Variants in CADM2 observed in about 807,000 individuals in gnomAD.
CADM2 encodes the protein cell adhesion molecule 2, also known as immunoglobulin superfamily member 4D.
A neutral mutation model predicts 49.8 loss-of-function variants in CADM2; 12 were observed. The ratio of observed to expected loss-of-function variants is 0.24; its 90% CI spans 0.15 to 0.39. The LOEUF (loss-of-function observed/expected upper bound fraction) is 0.39. Among genes scored for constraint, CADM2 ranks in the 10% least tolerant of loss-of-function variants. The probability of loss-of-function intolerance (pLI) is 1.00; values close to 1 mark genes in which losing one functional copy is unlikely to be tolerated. For missense variants in CADM2, 378 were observed against 492.3 expected (o/e 0.77, Z 2.20); for synonymous variants, 214 against 175.4 (o/e 1.22, Z -1.74).
At chr3:85,965,855 T>C (rs1167624726) in intron 8 of CADM2, among the ~76,000 whole-genome samples, 1 of 151,652 alleles carries the variant, frequency 6.6e-6, no homozygotes, top group East Asian at 2.0e-4. Context: ...TGTTTTGTGA[T>C]TGGAAGCAAT....
intron 1 of CADM2, among the ~76,000 whole-genome samples, chr3:85,689,845 C>A (rs1270927102): frequency 6.6e-6 from 1 of 152,064 alleles, no homozygotes; most frequent in Admixed American, 6.6e-5. Context: ...TTTTTCTTCC[C>A]AGAAGACATA....
intron 1 of CADM2, among the ~76,000 whole-genome samples, chr3:85,631,859 A>T (rs1023083056): frequency 6.6e-6 from 1 of 152,146 alleles, no homozygotes; most frequent in South Asian, 2.1e-4. Context: ...TTAAATCTCA[A>T]CAGATGATAC....
intron 8 of CADM2, among the ~76,000 whole-genome samples, chr3:85,999,655 A>C (rs1729913524): frequency 6.6e-6 from 1 of 151,282 alleles, no homozygotes; most frequent in African/African-American, 2.5e-5. Flanking sequence ...GAAAGGAAAG[A>C]AAAAAGAAAG....
At chr3:85,299,619 GT>G (rs2106981018) in intron 1 of CADM2, among the ~76,000 whole-genome samples, 1 of 152,180 alleles carries the variant, frequency 6.6e-6, no homozygotes, top group East Asian at 1.9e-4. Flanking sequence ...CTCCAAAGCT[GT>G]TCTGCCTGGC....
intron 1 of CADM2, among the ~76,000 whole-genome samples, chr3:85,323,880 C>A (rs975497028): frequency 6.6e-6 from 1 of 152,126 alleles, no homozygotes; most frequent in Non-Finnish European, 1.5e-5. Context: ...GTCTTCAATT[C>A]TTCTTATAAC....
intron 3 of CADM2, among the ~76,000 whole-genome samples, chr3:85,841,684 T>C (rs541760055): frequency 1.3e-5 from 2 of 152,064 alleles, no homozygotes; most frequent in African/African-American, 4.8e-5. Context: ...ATAATTAAGG[T>C]TCAAAAAACA....
chr3:85,413,164 T>TAAAAAAA (rs1164449868), intron 1 of CADM2, among the ~76,000 whole-genome samples: 1 of 76,828 alleles, frequency 1.3e-5, no homozygotes, highest in African/African-American at 5.4e-5. Flanking sequence ...AAAAAAAAAA[T>TAAAAAAA]AATAATAATA....
chr3:85,006,555 C>CA (rs2033739134), intron 1 of CADM2, among the ~76,000 whole-genome samples: 1 of 152,146 alleles, frequency 6.6e-6, no homozygotes, highest in Non-Finnish European at 1.5e-5. Flanking sequence ...ATACCTAGGT[C>CA]TCTGGCTGGA....
chr3:85,674,890 T>C (rs2065848454), intron 1 of CADM2, among the ~76,000 whole-genome samples: 4 of 152,138 alleles, frequency 2.6e-5, no homozygotes, highest in Admixed American at 2.6e-4. Flanking sequence ...AAATATCGAA[T>C]TTCTGTTTGC....
Position 85,459,415 on chromosome 3 carries a change from G to A in CADM2, c.62-267107G>A, listed in dbSNP as rs967909787. On this transcript the variant is annotated intron_variant, in intron 1 of 9. Coordinates refer to ENST00000383699, the MANE Select transcript of CADM2 (RefSeq NM_001167675.2). ...TAAGAGACTAGAAATGGGAGTGTGTGGAATTTCTAGCCTCTATCCTGGGTG... is the reference window on the plus strand; with the variant it reads ...TAAGAGACTAGAAATGGGAGTGTGTAGAATTTCTAGCCTCTATCCTGGGTG... Among the ~76,000 whole-genome samples the A allele has an allele frequency of 2.0e-5, 3 of 152,254 alleles. No individual in the cohort carries two copies. The East Asian group carries it at 5.8e-4, about 29-fold the overall frequency.
At chr3:86,053,751 A>G (rs1374081678) in intron 8 of CADM2, among the ~76,000 whole-genome samples, 1 of 152,094 alleles carries the variant, frequency 6.6e-6, no homozygotes, top group East Asian at 1.9e-4. Flanking sequence ...TTACTAAAAA[A>G]TCTAAATTTG....
chr3:85,550,689 A>G (rs2061780486), intron 1 of CADM2, among the ~76,000 whole-genome samples: 1 of 152,162 alleles, frequency 6.6e-6, no homozygotes, highest in Admixed American at 6.5e-5. Context: ...CAAAAACCCT[A>G]TTCTCACCAA....
At chr3:85,287,648 G>A (rs1164661311) in intron 1 of CADM2, among the ~76,000 whole-genome samples, 16 of 151,784 alleles carry the variant, frequency 1.1e-4, no homozygotes, top group Admixed American at 1.1e-3. Flanking sequence ...TAATGTTTCT[G>A]GATATTTGTC....
chr3:86,043,163 C>G (rs573574122), intron 8 of CADM2, among the ~76,000 whole-genome samples: 1 of 152,272 alleles, frequency 6.6e-6, no homozygotes, highest in Admixed American at 6.5e-5. Flanking sequence ...GCTTTGAAAA[C>G]TGGCACAAGA....
At position 85,568,447 on chromosome 3, in the gene CADM2, CTT is replaced by C. The variant is rs1383847938; in HGVS notation, c.62-158073_62-158072del. ...TCTTTCTTTCTTTCTTTCTTTCTTT[CTT>C]TCTTTCTTTCTTTCTCTTTCTCTCT... On this transcript the variant is annotated intron_variant, in intron 1 of 9. Transcript: ENST00000383699. 9.0e-3 allele frequency among the ~76,000 whole-genome samples: 322 copies of C among 35,734 alleles called. 20 individuals are homozygous for C. Among genetic ancestry groups the C allele is most frequent in the African/African-American group, 0.022 (272 of 12,428 alleles). 23.4% of individuals were successfully genotyped at this position (35,734 alleles called of 152,430 possible).
Position 85,530,214 on chromosome 3 carries a change from G to A in CADM2, c.62-196308G>A, listed in dbSNP as rs566976831. ...ACTTGCTTGCTCTGAAATACCTGCC[G>A]CCACATAAGACATGTCTCTTCCTCT... On this transcript the variant is annotated intron_variant, in intron 1 of 9. Coordinates refer to ENST00000383699, the MANE Select transcript of CADM2 (RefSeq NM_001167675.2). 2.2e-3 allele frequency among the ~76,000 whole-genome samples: 338 copies of A among 151,086 alleles called. 1 individual carries two copies. Among genetic ancestry groups the A allele is most frequent in the Non-Finnish European group, 2.1e-3 (146 of 67,950 alleles).
At chr3:85,822,474 C>T (rs970881687) in intron 3 of CADM2, among the ~76,000 whole-genome samples, 7 of 152,006 alleles carry the variant, frequency 4.6e-5, no homozygotes, top group Admixed American at 3.9e-4. Context: ...ATCCCAGCTA[C>T]TTGGGAGGCT....
At chr3:85,309,237 C>A (rs2044285800) in intron 1 of CADM2, among the ~76,000 whole-genome samples, 1 of 152,088 alleles carries the variant, frequency 6.6e-6, no homozygotes, top group African/African-American at 2.4e-5. Flanking sequence ...TCTCTGAAGA[C>A]CTGAGATGAA....
At chr3:85,793,446 A>G (rs1025390185) in intron 2 of CADM2, among the ~76,000 whole-genome samples, 4 of 152,164 alleles carry the variant, frequency 2.6e-5, no homozygotes, top group African/African-American at 7.2e-5. Context: ...GGAAAAAGCT[A>G]AAAATACGCA....
Sources: allele counts gnomAD v4.1 joint callset (sites outside exome capture counted in the v4.1 genomes callset), GRCh38; gene constraint gnomAD v4.1.1; transcripts MANE v1.5; gene names NCBI Gene and HGNC (gene_info 2026-07-23, HGNC 2026-07-21).